Variants in FRAS1 observed in about 807,000 individuals in gnomAD.
FRAS1 encodes the protein extracellular matrix organizing protein FRAS1.
Under a neutral mutation model 435.2 loss-of-function variants are expected in FRAS1, and 290 were observed. That is an observed-to-expected ratio of 0.67 (90% confidence interval 0.61 to 0.73). The LOEUF (loss-of-function observed/expected upper bound fraction) is 0.73. Among genes scored for constraint, FRAS1 ranks in the 30% least tolerant of loss-of-function variants. The pLI is 0.00. For synonymous variants in FRAS1, 1,800 were observed against 1,851.0 expected, an observed-to-expected ratio of 0.97 and a Z score of 0.71; for missense variants, 4,860 against 5,001.5, an observed-to-expected ratio of 0.97 and a Z score of 0.85.
At chr4:78,272,977 C>T (rs753558976) in intron 9 of FRAS1, among the ~76,000 whole-genome samples, 13 of 152,162 alleles carry the variant, frequency 8.5e-5, no homozygotes, top group Admixed American at 7.2e-4. Flanking sequence ...TTTGTGTCCT[C>T]TTTTATTTCA....
chr4:78,289,182 A>C (rs939231794), intron 14 of FRAS1, among the ~76,000 whole-genome samples: 12 of 151,196 alleles, frequency 7.9e-5, no homozygotes, highest in Non-Finnish European at 1.2e-4. Flanking sequence ...CAGGTAAACC[A>C]GAGGGAGTAA....
chr4:78,448,110 T>C lies in FRAS1; in HGVS notation c.6068T>C (p.Val2023Ala), dbSNP rs777888992. The C allele has an allele frequency of 5.0e-6, 8 of 1,613,516 alleles. No individual in the cohort carries two copies. The African/African-American group carries it at 1.1e-4, about 22-fold the overall frequency. ...CCTCTGGAGAATGGGAGAGTTTTAG[T>C]CCAGGGCTCAACCTTCACCTACCAG... is the stretch of plus-strand genomic sequence containing the variant. ...SEPLENGRVLVQGSTFTYQDI... is the reference protein window; with the variant it reads ...SEPLENGRVLAQGSTFTYQDI... The change falls in exon 44 of 74, where the codon GTC becomes GCC. Residue 2023 changes from valine (V) to alanine (A), a missense_variant. Transcript: ENST00000512123.
chr4:78,422,571 T>C (rs549624279), intron 34 of FRAS1, among the ~76,000 whole-genome samples: 2 of 114,892 alleles, frequency 1.7e-5, no homozygotes, highest in East Asian at 4.2e-4. Context: ...TACAGAGGCC[T>C]GGGGAAGGAG....
chr4:78,196,607 T>G (rs939745212), intron 2 of FRAS1, among the ~76,000 whole-genome samples: 1 of 151,636 alleles, frequency 6.6e-6, no homozygotes, highest in African/African-American at 2.4e-5. Context: ...TAGATAACTT[T>G]TTTTTTTTCC....
rs1734258248 is a variant in FRAS1 at position 78,432,528 on chromosome 4, C to G, written c.5141C>G (p.Ala1714Gly). 6.2e-7 allele frequency: 1 copy of G among 1,612,762 alleles called. No individual in the cohort carries two copies. The highest frequency in any genetic ancestry group is 1.3e-5 in the African/African-American group (1 of 74,914). The change falls in exon 38 of 74, where the codon GCT becomes GGT. Residue 1714 changes from alanine to glycine, a missense_variant. Coordinates refer to ENST00000512123, the MANE Select transcript of FRAS1 (RefSeq NM_025074.7). ...SLSEDRGPRL[A>G]AGSSLSITVA... ...TCAGAAGACCGAGGGCCTCGACTGG[C>G]TGCTGGCTCCTCTCTGAGCATTACT...
intron 2 of FRAS1, among the ~76,000 whole-genome samples, chr4:78,156,029 T>C (rs2110017509): frequency 6.6e-6 from 1 of 152,342 alleles, no homozygotes; most frequent in Middle Eastern, 3.4e-3. Flanking sequence ...CTCATCATGC[T>C]TGATGATCGC....
At chr4:78,490,445 TA>T (rs1208518915) in intron 59 of FRAS1, among the ~76,000 whole-genome samples, 1 of 152,118 alleles carries the variant, frequency 6.6e-6, no homozygotes, top group Non-Finnish European at 1.5e-5. Context: ...ACAGAAATCA[TA>T]ACAAACAGTC....
rs185979105 is a variant in FRAS1, at chr4:78,178,198, T to A, written c.109-59312T>A. ...GTGTATGTGTGTTCTCTCCTTTTTT[T>A]AAAAAAATAAAGATACCAGTCATTG... On this transcript the variant is annotated intron_variant, in intron 2 of 73. Transcript: ENST00000512123. Among the ~76,000 whole-genome samples the A allele has an allele frequency of 1.7e-3, 263 of 152,144 alleles. 3 individuals are homozygous for A. The highest frequency in any genetic ancestry group is 0.017 in the Middle Eastern group (5 of 294).
At chr4:78,132,977 TA>T (rs1372759215) in intron 2 of FRAS1, among the ~76,000 whole-genome samples, 1 of 152,128 alleles carries the variant, frequency 6.6e-6, no homozygotes, top group African/African-American at 2.4e-5. Context: ...CTTTCATATA[TA>T]AGTTCAGCCA....
At chr4:78,511,053 T>G (rs1018520018) in intron 63 of FRAS1, among the ~76,000 whole-genome samples, 1 of 152,336 alleles carries the variant, frequency 6.6e-6, no homozygotes, top group African/African-American at 2.4e-5. Flanking sequence ...TCTACTTGCT[T>G]GTTGACTATC....
chr4:78,525,151 C>A (rs917404822), intron 69 of FRAS1, among the ~76,000 whole-genome samples: 7 of 152,162 alleles, frequency 4.6e-5, no homozygotes, highest in African/African-American at 1.4e-4. Context: ...AGTGTGCAGC[C>A]TCTGGCTTCT....
chr4:78,119,955 C>T (rs1718916376), intron 2 of FRAS1, among the ~76,000 whole-genome samples: 1 of 152,176 alleles, frequency 6.6e-6, no homozygotes, highest in East Asian at 1.9e-4. Flanking sequence ...AGGGGAACTC[C>T]TCCTCTCCTG....
chr4:78,115,520 C>T (rs527472292), intron 2 of FRAS1, among the ~76,000 whole-genome samples: 2 of 152,150 alleles, frequency 1.3e-5, no homozygotes, highest in African/African-American at 4.8e-5. Flanking sequence ...TGTTATTGAT[C>T]TATTCAGAGA....
intron 67 of FRAS1, among the ~76,000 whole-genome samples, chr4:78,521,196 C>A (rs1470693476): frequency 6.6e-6 from 1 of 152,124 alleles, no homozygotes; most frequent in Non-Finnish European, 1.5e-5. Flanking sequence ...TGTGCTGTAA[C>A]CATACCCTGG....
At chr4:78,504,929 A>G (rs1459605946) in intron 61 of FRAS1, among the ~76,000 whole-genome samples, 1 of 152,196 alleles carries the variant, frequency 6.6e-6, no homozygotes, top group African/African-American at 2.4e-5. Context: ...GGTGGTGACA[A>G]AATCTCTCAG....
chr4:78,255,871 T>G (rs1192281294), intron 6 of FRAS1, among the ~76,000 whole-genome samples: 1 of 152,232 alleles, frequency 6.6e-6, no homozygotes, highest in Non-Finnish European at 1.5e-5. Context: ...TGTTGTTCAT[T>G]TAAAGCTGAT....
chr4:78,257,450 A>G (rs1176761373), intron 6 of FRAS1, among the ~76,000 whole-genome samples: 1 of 152,212 alleles, frequency 6.6e-6, no homozygotes, highest in Non-Finnish European at 1.5e-5. Flanking sequence ...TAAGGGAAAC[A>G]CAAGTTTATC....
At chr4:78,270,533 C>T (rs1377028172) in intron 9 of FRAS1, among the ~76,000 whole-genome samples, 1 of 125,746 alleles carries the variant, frequency 8.0e-6, no homozygotes, top group Non-Finnish European at 1.6e-5. Flanking sequence ...CCAGCCACCG[C>T]CCCCCGCCAC....
At chr4:78,430,266 A>C in intron 36 of FRAS1, 26 bp from the exon 37 acceptor site, 1 of 1,613,408 alleles carries the variant, frequency 6.2e-7, no homozygotes, top group Non-Finnish European at 8.5e-7. Flanking sequence ...TTTCTCTCTC[A>C]CCACGCTTCC....
Sources: gnomAD v4.1 joint callset for allele counts (sites outside exome capture counted in the v4.1 genomes callset) on GRCh38, gnomAD v4.1.1 for gene constraint, MANE v1.5 for transcripts, NCBI Gene and HGNC (gene_info 2026-07-23, HGNC 2026-07-21) for gene names.